Variants in ZNF469 observed in about 807,000 individuals in gnomAD.
ZNF469 encodes the protein zinc finger protein 469.
Under a neutral mutation model 1.0 loss-of-function variants are expected in ZNF469, and 1 was observed. The observed-to-expected ratio is 1.00, with a 90% CI of 0.35 to 4.73. ZNF469 has a LOEUF of 4.73. ZNF469 is among the 30% of genes most tolerant of loss of function. The probability of loss-of-function intolerance (pLI) is 0.16; values close to 1 mark genes in which losing one functional copy is unlikely to be tolerated. For missense variants in ZNF469, 6,100 were observed against 5,356.3 expected (o/e 1.14, Z -4.33); for synonymous variants, 2,703 against 2,363.4 (o/e 1.14, Z -4.17).
At chr16:88,419,028 G>T in intron 1 of ZNF469, among the ~76,000 whole-genome samples, 1 of 152,250 alleles carries the variant, frequency 6.6e-6, no homozygotes, top group East Asian at 1.9e-4. Context: ...GGCCGGATGG[G>T]TGTGATGGGC....
chr16:88,187,308 A>G, the ZNF469 span, among the ~76,000 whole-genome samples: 1 of 152,232 alleles, frequency 6.6e-6, no homozygotes, highest in Non-Finnish European at 1.5e-5. Flanking sequence ...TGGGCCCAGC[A>G]CCTGCCCAGG....
chr16:88,216,354 C>T, the ZNF469 span, among the ~76,000 whole-genome samples: 19 of 152,024 alleles, frequency 1.2e-4, no homozygotes, highest in Admixed American at 8.5e-4. Flanking sequence ...ATTAGCCGGG[C>T]GCGGTGGTGG....
chr16:88,127,711 C>T, the ZNF469 span, among the ~76,000 whole-genome samples: 1 of 152,160 alleles, frequency 6.6e-6, no homozygotes, highest in Non-Finnish European at 1.5e-5. Context: ...GAGCACTGGG[C>T]TGAGGGTGGG....
chr16:88,309,152 C>A, the ZNF469 span, among the ~76,000 whole-genome samples: 2 of 152,238 alleles, frequency 1.3e-5, no homozygotes, highest in African/African-American at 4.8e-5. Flanking sequence ...CTGCCCTGTG[C>A]GTGTTGCCCA....
the ZNF469 span, among the ~76,000 whole-genome samples, chr16:88,132,571 C>A: frequency 2.6e-5 from 4 of 152,234 alleles, no homozygotes; most frequent in Non-Finnish European, 4.4e-5. Flanking sequence ...ACGCTGGCCC[C>A]AGCTCTGCTA....
chr16:88,118,579 C>T, the ZNF469 span, among the ~76,000 whole-genome samples: 5 of 152,212 alleles, frequency 3.3e-5, no homozygotes, highest in African/African-American at 1.2e-4. Flanking sequence ...AGGGGTCAGG[C>T]ACACCCCGGG....
chr16:88,285,378 G>A, the ZNF469 span, among the ~76,000 whole-genome samples: 5 of 152,264 alleles, frequency 3.3e-5, no homozygotes, highest in African/African-American at 1.2e-4. Context: ...TCAGGCAGGT[G>A]CAGCAGCCAT....
chr16:88,141,200 G>C, the ZNF469 span, among the ~76,000 whole-genome samples: 1 of 152,212 alleles, frequency 6.6e-6, no homozygotes, highest in African/African-American at 2.4e-5. Context: ...AATTCTGGTG[G>C]AGGAAAAGAC....
chr16:88,265,093 G>A, the ZNF469 span, among the ~76,000 whole-genome samples: 18 of 152,078 alleles, frequency 1.2e-4, no homozygotes, highest in South Asian at 2.1e-4. Flanking sequence ...CTGCCACTCC[G>A]CCCTCATCCT....
the ZNF469 span, among the ~76,000 whole-genome samples, chr16:88,196,746 G>A: frequency 2.0e-5 from 3 of 152,200 alleles, no homozygotes. Context: ...AGGAAAGTGA[G>A]GCTCAGAGCT....
At chr16:88,243,120 C>A in the ZNF469 span, among the ~76,000 whole-genome samples, 14 of 152,322 alleles carry the variant, frequency 9.2e-5, no homozygotes, top group African/African-American at 3.4e-4. Flanking sequence ...CAGGGCTCAG[C>A]AAGTGGCTCA....
the ZNF469 span, among the ~76,000 whole-genome samples, chr16:88,246,490 C>G: frequency 3.3e-5 from 5 of 152,158 alleles, no homozygotes; most frequent in African/African-American, 9.7e-5. Context: ...GGCATGGAGA[C>G]GGGTAGGAGG....
chr16:88,426,957 C>T (rs919884043), intron 2 of ZNF469, among the ~76,000 whole-genome samples: 5 of 152,174 alleles, frequency 3.3e-5, no homozygotes, highest in Non-Finnish European at 7.4e-5. Flanking sequence ...TGGGGCAGTT[C>T]CTGCAGGCTG....
chr16:88,182,115 C>A, the ZNF469 span, among the ~76,000 whole-genome samples: 109 of 152,248 alleles, frequency 7.2e-4, 2 homozygotes, highest in Admixed American at 3.1e-3. Context: ...AATTTAAAAA[C>A]AATATTCACC....
the ZNF469 span, among the ~76,000 whole-genome samples, chr16:88,193,945 C>A: frequency 6.6e-6 from 1 of 152,196 alleles, no homozygotes; most frequent in Non-Finnish European, 1.5e-5. Context: ...TTAACCTCGT[C>A]ACCTCTCGAA....
At chr16:88,168,129 G>A in the ZNF469 span, among the ~76,000 whole-genome samples, 1 of 152,202 alleles carries the variant, frequency 6.6e-6, no homozygotes, top group South Asian at 2.1e-4. The surrounding 1 kb of genome is among the most constrained non-coding windows in gnomAD (Gnocchi z 4.3). Context: ...TGGCACCGGG[G>A]TAGCCTTTCA....
the ZNF469 span, among the ~76,000 whole-genome samples, chr16:88,297,275 C>T: frequency 6.6e-6 from 1 of 152,154 alleles, no homozygotes; most frequent in Non-Finnish European, 1.5e-5. Flanking sequence ...TGGCGGGGGG[C>T]TGGCTTCAGG....
rs1472189587 is a variant in ZNF469 at position 88,431,888 on chromosome 16, C to T, written c.4418C>T (p.Ser1473Phe). Residue 1473 changes from serine to phenylalanine, a missense_variant, in exon 3 of 3, where the codon TCT becomes TTT. Ser to Phe is a radical substitution (Grantham distance 155). Transcript: ENST00000565624. Reference protein sequence around the residue: ...RFDPPLYGSLSANRDSGLPFA... With the variant: ...RFDPPLYGSLFANRDSGLPFA... ...GACCCACCCCTCTATGGCAGCCTGT[C>T]TGCGAACAGGGACTCCGGTCTGCCG... The T allele has an allele frequency of 1.3e-5, 20 of 1,549,936 alleles. No individual in the cohort carries two copies. Among genetic ancestry groups the T allele is most frequent in the Admixed American group, 9.8e-5 (5 of 50,988 alleles).
At chr16:88,198,967 C>G in the ZNF469 span, among the ~76,000 whole-genome samples, 1 of 152,208 alleles carries the variant, frequency 6.6e-6, no homozygotes, top group African/African-American at 2.4e-5. Context: ...CTGCTGCCGC[C>G]TCATGTTCTC....
Sources: allele counts gnomAD v4.1 joint callset (sites outside exome capture counted in the v4.1 genomes callset), GRCh38; gene constraint gnomAD v4.1.1; non-coding constraint Gnocchi (gnomAD v3.1); transcripts MANE v1.5; gene names NCBI Gene and HGNC (gene_info 2026-07-23, HGNC 2026-07-21).